The following KIF13B variants were observed in gnomAD, a reference collection of about 807,000 sequenced individuals.
KIF13B encodes the protein kinesin-like protein KIF13B.
In KIF13B, 127 loss-of-function variants were observed where a neutral mutation model predicts 222.0. That is an observed-to-expected ratio of 0.57 (90% CI 0.50 to 0.66). The LOEUF is 0.66. Ranked by LOEUF, KIF13B falls within the 30% of genes least tolerant of loss-of-function variation. The pLI, the probability that KIF13B is intolerant of heterozygous loss-of-function variation, is 0.00. For missense variants in KIF13B, 2,173 were observed against 2,379.0 expected (o/e 0.91, Z 1.80); for synonymous variants, 976 against 919.0 (o/e 1.06, Z -1.12).
rs1810155166 is a variant in KIF13B at position 29,127,275 on chromosome 8, CACAG to C, written c.3076-11_3076-8del. The C allele has an allele frequency of 4.3e-6, 7 of 1,612,220 alleles. No individual in the cohort carries two copies. The highest frequency in any genetic ancestry group is 2.7e-5 in the African/African-American group (2 of 74,868). ...GAACTCTCCGGGACTGCCCCTGGGT[CACAG>C]ACAATTTAGAGTCTTAAAATCAGTG... is the stretch of plus-strand genomic sequence containing the variant. On this transcript the variant is annotated splice_region_variant and splice_polypyrimidine_tract_variant and intron_variant, in intron 24 of 39. Transcript: ENST00000524189.
At chr8:29,206,773 T>A (rs1358660143) in intron 2 of KIF13B, among the ~76,000 whole-genome samples, 3 of 152,126 alleles carry the variant, frequency 2.0e-5, no homozygotes, top group African/African-American at 7.2e-5. Context: ...AATGAGTGAA[T>A]GAATGAATGA....
At chr8:29,261,929 AT>A (rs1816694897) in intron 1 of KIF13B, among the ~76,000 whole-genome samples, 1 of 152,202 alleles carries the variant, frequency 6.6e-6, no homozygotes, top group Non-Finnish European at 1.5e-5. Context: ...ACAACCTATA[AT>A]TTCTACATAA....
chr8:29,079,886 T>C (rs540594066), intron 37 of KIF13B, among the ~76,000 whole-genome samples: 2 of 152,346 alleles, frequency 1.3e-5, no homozygotes, highest in African/African-American at 4.8e-5. Context: ...ATACAAGATA[T>C]GTAAGATTTA....
At chr8:29,227,953 ATTTT>A (rs201814072) in intron 2 of KIF13B, among the ~76,000 whole-genome samples, 1 of 151,570 alleles carries the variant, frequency 6.6e-6, no homozygotes, top group Non-Finnish European at 1.5e-5. Context: ...TTTAAAAAAA[ATTTT>A]TTTTAAGTCT....
chr8:29,146,239 C>T (rs1207905804), intron 18 of KIF13B, 139 bp downstream of exon 18: 6 of 821,026 alleles, frequency 7.3e-6, no homozygotes, highest in Non-Finnish European at 1.2e-5. Context: ...GAAGTCAATT[C>T]TACCCAAAAG....
rs188245488 is a variant in KIF13B at position 29,115,496 on chromosome 8, T to C, written c.3837+1335A>G. On this transcript the variant is annotated intron_variant, in intron 31 of 39. Coordinates refer to ENST00000524189, the MANE Select transcript of KIF13B (RefSeq NM_015254.4). ...CACCCACCACCACACCCAGCTAATT[T>C]TGTAGTTTTAGTAGAGACAGGGTTT... 5.0e-3 allele frequency among the ~76,000 whole-genome samples: 758 copies of C among 151,892 alleles called. 3 individuals carry two copies. Among genetic ancestry groups the C allele is most frequent in the Non-Finnish European group, 7.8e-3 (533 of 67,912 alleles).
At chr8:29,108,242 C>G (rs764550841) in intron 34 of KIF13B, 50 bp from the exon 35 acceptor site, 2 of 1,562,386 alleles carry the variant, frequency 1.3e-6, no homozygotes, top group South Asian at 1.2e-5. Context: ...AGAGCATACA[C>G]GTGGTCTAGG....
At chr8:29,117,796 C>A (rs1008791374) in intron 30 of KIF13B, among the ~76,000 whole-genome samples, 5 of 152,326 alleles carry the variant, frequency 3.3e-5, no homozygotes, top group African/African-American at 1.2e-4. Flanking sequence ...CCGTGAGATA[C>A]CCATCACTCA....
chr8:29,071,826 G>C lies in KIF13B; in HGVS notation c.5012C>G (p.Pro1671Arg), dbSNP rs989640527. The change falls in exon 39 of 40, where the codon CCG becomes CGG. Residue 1671 changes from proline (P) to arginine (R), a missense_variant. By Grantham distance (103) the Pro-to-Arg change is moderately radical (BLOSUM62 -2). Coordinates refer to ENST00000524189, the MANE Select transcript of KIF13B (RefSeq NM_015254.4). The surrounding 1 kb of genome is among the most constrained non-coding windows in gnomAD (Gnocchi z 4.9). ...RMLAGDPGCSPGAEGNAPAPG... is the reference protein window; with the variant it reads ...RMLAGDPGCSRGAEGNAPAPG... ...GGCCGGCGCATTCCCCTCGGCCCCC[G>C]GGGAGCAGCCGGGGTCCCCAGCCAG... is the stretch of plus-strand genomic sequence containing the variant. The C allele has an allele frequency of 1.3e-6, 2 of 1,542,124 alleles. No individual in the cohort carries two copies. The highest frequency in any genetic ancestry group is 2.0e-5 in the Admixed American group (1 of 50,882).
At chr8:29,179,264 G>T (rs1425482095) in intron 8 of KIF13B, among the ~76,000 whole-genome samples, 1 of 152,002 alleles carries the variant, frequency 6.6e-6, no homozygotes, top group Non-Finnish European at 1.5e-5. Flanking sequence ...CTATGGGCAT[G>T]AACCACCCAC....
At chr8:29,199,323 T>C (rs1430341633) in intron 2 of KIF13B, among the ~76,000 whole-genome samples, 1 of 152,036 alleles carries the variant, frequency 6.6e-6, no homozygotes, top group Non-Finnish European at 1.5e-5. Context: ...CATGATAACT[T>C]TGCAAGATAC....
In KIF13B at chr8:29,140,058, C is replaced by T. The variant is rs749845792; in HGVS notation, c.2613+5G>A. 6.3e-7 allele frequency: 1 copy of T among 1,575,508 alleles called. No individual in the cohort carries two copies. Among genetic ancestry groups the T allele is most frequent in the Non-Finnish European group, 8.6e-7 (1 of 1,160,954 alleles). On this transcript the variant is annotated splice_donor_5th_base_variant and intron_variant, in intron 21 of 39. Transcript: ENST00000524189. Reference sequence around the variant, plus strand: ...ACGTAATACTAGGATGAAGCTGGGACTTACCATGCACACCAGTTTGTTCTC... The same window carrying T: ...ACGTAATACTAGGATGAAGCTGGGATTTACCATGCACACCAGTTTGTTCTC...
At chr8:29,261,164 A>T (rs1816667103) in intron 1 of KIF13B, among the ~76,000 whole-genome samples, 1 of 152,206 alleles carries the variant, frequency 6.6e-6, no homozygotes. Flanking sequence ...CAAATAATGC[A>T]CTTCTCTATA....
intron 24 of KIF13B, among the ~76,000 whole-genome samples, 196 bp from the exon 25 acceptor site, chr8:29,127,464 A>G (rs1810164384): frequency 1.3e-5 from 2 of 152,266 alleles, no homozygotes; most frequent in African/African-American, 4.8e-5. Flanking sequence ...GAGCTAAAAA[A>G]CAGAATAAAT....
rs143576801 is a variant in KIF13B, at chr8:29,252,398, A to G, written c.56-6959T>C. On this transcript the variant is annotated intron_variant, in intron 1 of 39. Coordinates refer to ENST00000524189, the MANE Select transcript of KIF13B (RefSeq NM_015254.4). ...AATGCATCATTCTCAGTTTGAACAA[A>G]ATAATCTGCTTTTCTAATTCTCATT... 5.3e-4 allele frequency among the ~76,000 whole-genome samples: 81 copies of G among 152,358 alleles called. No individual in the cohort carries two copies. In the East Asian group the frequency reaches 9.4e-3, roughly 18 times the overall value.
chr8:29,186,581 G>T (rs1812939451), intron 5 of KIF13B, 109 bp from the exon 6 acceptor site: 1 of 755,084 alleles, frequency 1.3e-6, no homozygotes, highest in Non-Finnish European at 2.1e-6. Context: ...AATGCAGTGA[G>T]AAATACACCC....
intron 1 of KIF13B, among the ~76,000 whole-genome samples, chr8:29,256,095 G>A (rs1049472714): frequency 3.3e-5 from 5 of 152,170 alleles, no homozygotes; most frequent in African/African-American, 1.2e-4. Context: ...ACTCAATTGT[G>A]CTGAGTTGCT....
At chr8:29,207,867 A>G (rs982610236) in intron 2 of KIF13B, among the ~76,000 whole-genome samples, 2 of 152,188 alleles carry the variant, frequency 1.3e-5, no homozygotes, top group Admixed American at 1.3e-4. Flanking sequence ...AGAAGCCAAT[A>G]GTTACCGCTC....
rs535803117 is a variant in KIF13B, at chr8:29,126,163, T to C, written c.3252+319A>G. 4.6e-5 allele frequency among the ~76,000 whole-genome samples: 7 copies of C among 151,250 alleles called. No homozygotes were observed. In the South Asian group the frequency reaches 1.5e-3, roughly 32 times the overall value. On this transcript the variant is annotated intron_variant, in intron 26 of 39. Coordinates refer to ENST00000524189, the MANE Select transcript of KIF13B (RefSeq NM_015254.4). ...AAAGCTCAGAATGAGACAACTATAA[T>C]AGGGGCAACGAGTGGGGACTCACTC...
Sources: gnomAD v4.1 joint callset for allele counts (sites outside exome capture counted in the v4.1 genomes callset) on GRCh38, gnomAD v4.1.1 for gene constraint, Gnocchi (gnomAD v3.1) non-coding constraint, MANE v1.5 for transcripts, NCBI Gene and HGNC (gene_info 2026-07-23, HGNC 2026-07-21) for gene names.